Variants in TCF20 observed in about 807,000 individuals in gnomAD.
TCF20 encodes the protein transcription factor 20, also known as SPRE-binding protein.
Under a neutral mutation model 148.6 loss-of-function variants are expected in TCF20, and 3 were observed. The observed-to-expected ratio is 0.02, with a 90% CI of 0.01 to 0.05. The LOEUF (loss-of-function observed/expected upper bound fraction) is 0.05. TCF20 is among the 10% of genes least tolerant of loss of function. The pLI, the probability that TCF20 is intolerant of heterozygous loss-of-function variation, is 1.00. For missense variants in TCF20, 2,350 were observed against 2,429.3 expected (o/e 0.97, Z 0.69); for synonymous variants, 1,049 against 909.5 (o/e 1.15, Z -2.76).
chr22:42,210,172 C>T lies in TCF20; in HGVS notation c.5134G>A (p.Ala1712Thr). The T allele has an allele frequency of 1.2e-6, 2 of 1,614,156 alleles. No individual in the cohort carries two copies. Among genetic ancestry groups the T allele is most frequent in the Non-Finnish European group, 8.5e-7 (1 of 1,180,038 alleles). ...AGGTCACCCATGTTCCGGTAACTGG[C>T]CCACTTGCCACACAGACAGCAAACC... ...HLVCCLCGKWASYRNMGDLFG... is the reference protein window; with the variant it reads ...HLVCCLCGKWTSYRNMGDLFG... Residue 1712 changes from alanine (A) to threonine (T), a missense_variant, in exon 2 of 6, where the codon GCC (alanine) becomes ACC (threonine). Transcript: ENST00000677622. This position sits in a 1 kb window ranked among gnomAD's most constrained non-coding sequence, Gnocchi z 4.7.
intron 3 of TCF20, among the ~76,000 whole-genome samples, chr22:42,170,915 G>C (rs777565308): frequency 6.6e-6 from 1 of 152,148 alleles, no homozygotes; most frequent in Non-Finnish European, 1.5e-5. Flanking sequence ...CCAGGCCCAA[G>C]AGCCCCACTG....
chr22:42,267,060 G>C (rs1030982394), intron 1 of TCF20, among the ~76,000 whole-genome samples: 1 of 151,902 alleles, frequency 6.6e-6, no homozygotes, highest in Non-Finnish European at 1.5e-5. Context: ...ACCTGAGGTC[G>C]AGTTTGAGAC....
chr22:42,328,300 G>A (rs1927909947), intron 1 of TCF20, among the ~76,000 whole-genome samples: 1 of 152,210 alleles, frequency 6.6e-6, no homozygotes, highest in Non-Finnish European at 1.5e-5. Context: ...CAGCAAATGA[G>A]CAGCCCTGTG....
At chr22:42,265,618 A>C (rs1926243757) in intron 1 of TCF20, among the ~76,000 whole-genome samples, 3 of 152,248 alleles carry the variant, frequency 2.0e-5, no homozygotes, top group Admixed American at 6.5e-5. Flanking sequence ...AAAGAAAATG[A>C]AGACAGCAGA....
chr22:42,186,517 A>ACTGTCTATAT (rs1453241439), intron 2 of TCF20, among the ~76,000 whole-genome samples: 4 of 152,206 alleles, frequency 2.6e-5, no homozygotes, highest in African/African-American at 9.7e-5. Context: ...TTAAATTAAG[A>ACTGTCTATAT]CAAACAGTTT....
In TCF20 at chr22:42,210,014, A is replaced by G. The variant is rs763242590; in HGVS notation, c.5292T>C (p.Thr1764=). 6.2e-7 allele frequency: 1 copy of G among 1,612,696 alleles called. No homozygotes were observed. Among genetic ancestry groups the G allele is most frequent in the Non-Finnish European group, 8.5e-7 (1 of 1,179,992 alleles). ...KSASNGSKTD[T]EEEEEQQQQQ... ...GCTGCTGCTGCTCTTCCTCCTCCTC[A>G]GTGTCCGTCTTGGAGCCATTAGAAG... Residue 1764 remains threonine (T), a synonymous_variant, in exon 2 of 6, where the codon ACT becomes ACC. Transcript: ENST00000677622. This position sits in a 1 kb window ranked among gnomAD's most constrained non-coding sequence, Gnocchi z 4.7.
chr22:42,223,897 A>G (rs527879833), intron 1 of TCF20, among the ~76,000 whole-genome samples: 1 of 152,182 alleles, frequency 6.6e-6, no homozygotes, highest in African/African-American at 2.4e-5. Context: ...TCAGTGGCTA[A>G]AAGTTATCTT....
At chr22:42,329,405 A>C (rs1390645621) in intron 1 of TCF20, among the ~76,000 whole-genome samples, 1 of 152,222 alleles carries the variant, frequency 6.6e-6, no homozygotes, top group African/African-American at 2.4e-5. Context: ...TCAGGGCCTC[A>C]CACTCGCCTC....
At chr22:42,205,511 T>C (rs542090238) in intron 2 of TCF20, among the ~76,000 whole-genome samples, 3 of 152,202 alleles carry the variant, frequency 2.0e-5, no homozygotes, top group Admixed American at 6.5e-5. Flanking sequence ...TCTTACATGA[T>C]AGGATTAAGG....
chr22:42,340,495 G>T (rs1928145323), intron 1 of TCF20, among the ~76,000 whole-genome samples: 1 of 152,180 alleles, frequency 6.6e-6, no homozygotes, highest in Non-Finnish European at 1.5e-5. Flanking sequence ...CTGAGGCTCA[G>T]AGGGCCCAGG....
chr22:42,191,700 T>G (rs2147131152), intron 2 of TCF20, among the ~76,000 whole-genome samples: 1 of 152,290 alleles, frequency 6.6e-6, no homozygotes, highest in South Asian at 2.1e-4. Flanking sequence ...CCTTATATAT[T>G]TTGTCTAACG....
At chr22:42,261,218 C>G (rs896182542) in intron 1 of TCF20, among the ~76,000 whole-genome samples, 13 of 152,142 alleles carry the variant, frequency 8.5e-5, no homozygotes, top group African/African-American at 1.4e-4. Context: ...TATGAACATG[C>G]CAATTTGTTA....
chr22:42,262,105 AGCCAGATTATTCTG>A (rs1312497444), intron 1 of TCF20, among the ~76,000 whole-genome samples: 1 of 152,224 alleles, frequency 6.6e-6, no homozygotes, highest in Non-Finnish European at 1.5e-5. Context: ...GGCAGGCAGA[AGCCAGATTATTCTG>A]GCCCTTGTGA....
At chr22:42,245,176 T>TCC (rs1214701329) in intron 1 of TCF20, among the ~76,000 whole-genome samples, 1 of 152,122 alleles carries the variant, frequency 6.6e-6, no homozygotes, top group Non-Finnish European at 1.5e-5. Flanking sequence ...TACATAGTCT[T>TCC]CCCCTTTAGT....
At chr22:42,241,810 G>A (rs1006114021) in intron 1 of TCF20, among the ~76,000 whole-genome samples, 1 of 152,018 alleles carries the variant, frequency 6.6e-6, no homozygotes, top group Non-Finnish European at 1.5e-5. Flanking sequence ...CCCCAGCCTG[G>A]GCGAAAGAGT....
At chr22:42,225,744 C>T (rs1317164361) in intron 1 of TCF20, among the ~76,000 whole-genome samples, 2 of 152,002 alleles carry the variant, frequency 1.3e-5, no homozygotes, top group African/African-American at 2.4e-5. Context: ...GCACAGGGGA[C>T]CCCACAAGTC....
intron 1 of TCF20, among the ~76,000 whole-genome samples, chr22:42,282,657 T>G (rs1052538280): frequency 6.6e-6 from 1 of 152,102 alleles, no homozygotes; most frequent in Non-Finnish European, 1.5e-5. Context: ...GCTAAGAGAA[T>G]GATGGAACGG....
intron 1 of TCF20, among the ~76,000 whole-genome samples, chr22:42,300,866 CG>C (rs1927324482): frequency 6.6e-6 from 1 of 151,964 alleles, no homozygotes; most frequent in Non-Finnish European, 1.5e-5. Flanking sequence ...TCCCCTCCCC[CG>C]AGCCCCACCT....
At chr22:42,204,444 G>C (rs778268648) in intron 2 of TCF20, among the ~76,000 whole-genome samples, 1 of 152,048 alleles carries the variant, frequency 6.6e-6, no homozygotes. Context: ...GCCGTGAGCC[G>C]AGATCATGCC....
Sources: allele counts gnomAD v4.1 joint callset (sites outside exome capture counted in the v4.1 genomes callset), GRCh38; gene constraint gnomAD v4.1.1; non-coding constraint Gnocchi (gnomAD v3.1); transcripts MANE v1.5; gene names NCBI Gene and HGNC (gene_info 2026-07-23, HGNC 2026-07-21).